Variants in NT5C2 observed in about 807,000 individuals in gnomAD.
NT5C2 encodes the protein cytosolic purine 5'-nucleotidase.
In NT5C2, 58 loss-of-function variants were observed where a neutral mutation model predicts 76.1. That is an observed-to-expected ratio of 0.76 (90% confidence interval 0.62 to 0.95). The LOEUF (loss-of-function observed/expected upper bound fraction) is 0.95, where lower values mean the gene tolerates loss of function less well. Among genes scored for constraint, NT5C2 ranks in the 40% least tolerant of loss-of-function variants. The pLI is 0.00. For missense variants in NT5C2, 478 were observed against 690.3 expected (o/e 0.69, Z 3.45); for synonymous variants, 229 against 237.4 (o/e 0.96, Z 0.32).
chr10:103,154,302 C>T (rs1454638227), intron 3 of NT5C2, among the ~76,000 whole-genome samples: 1 of 151,916 alleles, frequency 6.6e-6, no homozygotes, highest in Non-Finnish European at 1.5e-5. Context: ...TTAAATATTA[C>T]CTAAATATCT....
chr10:103,106,837 C>G, intron 4 of NT5C2, 131 bp from the exon 5 acceptor site: 1 of 684,140 alleles, frequency 1.5e-6, no homozygotes. Flanking sequence ...TCTTCCCCCT[C>G]AAACTCCATG....
intron 4 of NT5C2, among the ~76,000 whole-genome samples, chr10:103,120,451 T>C (rs1373149640): frequency 1.3e-5 from 2 of 152,148 alleles, no homozygotes; most frequent in African/African-American, 2.4e-5. Context: ...TCCACAGTTA[T>C]TTTAAAAACC....
chr10:103,187,740 CAA>C (rs917798636), intron 1 of NT5C2, among the ~76,000 whole-genome samples: 1 of 152,034 alleles, frequency 6.6e-6, no homozygotes, highest in Admixed American at 6.5e-5. Context: ...AGCTCTCAAA[CAA>C]ACTAGATAGA....
intron 4 of NT5C2, among the ~76,000 whole-genome samples, chr10:103,117,109 T>C (rs532728168): frequency 4.9e-4 from 75 of 152,200 alleles, no homozygotes; most frequent in African/African-American, 1.8e-3. Context: ...TTAGTTTAAA[T>C]AAAGCTTAGT....
chr10:103,119,385 G>A (rs1056786780), intron 4 of NT5C2, among the ~76,000 whole-genome samples: 5 of 152,022 alleles, frequency 3.3e-5, no homozygotes, highest in Non-Finnish European at 7.4e-5. Context: ...AAAAGTCAGA[G>A]GGTATATACA....
At chr10:103,141,114 TTTTC>T (rs1195047972) in intron 3 of NT5C2, among the ~76,000 whole-genome samples, 1 of 152,176 alleles carries the variant, frequency 6.6e-6, no homozygotes, top group Non-Finnish European at 1.5e-5. Flanking sequence ...TTTTCCTTTG[TTTTC>T]TTTTAGATCT....
chr10:103,129,313 C>T (rs1433087758), intron 4 of NT5C2, among the ~76,000 whole-genome samples: 1 of 118,878 alleles, frequency 8.4e-6, no homozygotes, highest in African/African-American at 3.2e-5. Context: ...GGGTCAGCCC[C>T]CCGCCCGGCC....
intron 3 of NT5C2, among the ~76,000 whole-genome samples, chr10:103,141,826 A>T (rs1254244458): frequency 6.6e-6 from 1 of 152,166 alleles, no homozygotes; most frequent in African/African-American, 2.4e-5. Context: ...TTATATTGTA[A>T]TTTACTCTGT....
Position 103,105,798 on chromosome 10 carries a change from TC to T in NT5C2, c.296del (p.Gly99AspfsTer12). The T allele has an allele frequency of 1.2e-6, 2 of 1,607,610 alleles. No individual in the cohort carries two copies. Among genetic ancestry groups the T allele is most frequent in the Non-Finnish European group, 1.7e-6 (2 of 1,174,506 alleles). The part of the protein sequence containing the change: ...FAYDSTFPTR[G>X]LVFDTLYGNL... ...TTCCATACAGTGTGTCAAAGACAAGTCCCCTATGTGAAAATGAAGACATTAT... is the reference window on the plus strand; with the variant it reads ...TTCCATACAGTGTGTCAAAGACAAGTCCCTATGTGAAAATGAAGACATTAT... On this transcript the variant is annotated frameshift_variant and splice_region_variant, in exon 6 of 19. Transcript: ENST00000404739. LOFTEE classifies it high-confidence loss of function.
intron 4 of NT5C2, among the ~76,000 whole-genome samples, chr10:103,138,579 G>C (rs2079764445): frequency 6.6e-6 from 1 of 152,160 alleles, no homozygotes; most frequent in South Asian, 2.1e-4. Flanking sequence ...ATGGCTTCTA[G>C]CTTCATTCAT....
chr10:103,186,962 A>C (rs895882885), intron 1 of NT5C2, among the ~76,000 whole-genome samples: 1 of 151,784 alleles, frequency 6.6e-6, no homozygotes, highest in African/African-American at 2.4e-5. Context: ...GAAAGATTCT[A>C]ATGTTAGGCC....
chr10:103,090,572 T>TA (rs2134499956), intron 18 of NT5C2, 39 bp downstream of exon 18: 2 of 1,579,304 alleles, frequency 1.3e-6, no homozygotes, highest in African/African-American at 1.3e-5. Flanking sequence ...ACCCTGGGCT[T>TA]AGAGTACATC....
At chr10:103,137,655 AAC>A (rs1013057758) in intron 4 of NT5C2, among the ~76,000 whole-genome samples, 1 of 152,244 alleles carries the variant, frequency 6.6e-6, no homozygotes, top group African/African-American at 2.4e-5. Context: ...AAAATTTTTT[AAC>A]AGACAATTTC....
chr10:103,192,987 C>G (rs1394313235), intron 1 of NT5C2, among the ~76,000 whole-genome samples: 1 of 151,856 alleles, frequency 6.6e-6, no homozygotes, highest in African/African-American at 2.4e-5. Context: ...GTCGCGGCGG[C>G]GCGGAGGAAG....
At chr10:103,157,348 T>C (rs2083640059) in intron 3 of NT5C2, among the ~76,000 whole-genome samples, 3 of 152,126 alleles carry the variant, frequency 2.0e-5, no homozygotes, top group Admixed American at 6.5e-5. Context: ...CTGAACTTTT[T>C]AGGTTTGTTT....
At chr10:103,146,550 T>A in intron 3 of NT5C2, 1 of 482,826 alleles carries the variant, frequency 2.1e-6, no homozygotes, top group Non-Finnish European at 2.7e-6. Context: ...TCTGTATATA[T>A]GCATATTTTT....
At chr10:103,185,352 A>C (rs184410604) in intron 1 of NT5C2, among the ~76,000 whole-genome samples, 3 of 152,088 alleles carry the variant, frequency 2.0e-5, no homozygotes, top group Non-Finnish European at 4.4e-5. Flanking sequence ...TTTAAAAAAA[A>C]AAAATACATA....
At chr10:103,144,790 C>G (rs1023196598) in intron 3 of NT5C2, among the ~76,000 whole-genome samples, 4 of 152,146 alleles carry the variant, frequency 2.6e-5, no homozygotes, top group African/African-American at 9.7e-5. Flanking sequence ...GCAGAAAGAG[C>G]TAGGACAGAC....
chr10:103,100,242 G>T (rs1470432505), intron 8 of NT5C2, among the ~76,000 whole-genome samples: 1 of 152,140 alleles, frequency 6.6e-6, no homozygotes, highest in Non-Finnish European at 1.5e-5. Context: ...AGTGATAGAA[G>T]AATATATTGA....
Sources: allele counts gnomAD v4.1 joint callset (sites outside exome capture counted in the v4.1 genomes callset), GRCh38; gene constraint gnomAD v4.1.1; transcripts MANE v1.5; gene names NCBI Gene and HGNC (gene_info 2026-07-23, HGNC 2026-07-21).